The following CCDC149 variants were observed in gnomAD, a reference collection of about 807,000 sequenced individuals.
CCDC149 encodes the protein coiled-coil domain containing 149, also known as coiled-coil domain-containing protein 149.
In CCDC149, 45 loss-of-function variants were observed where a neutral mutation model predicts 59.9. That is an observed-to-expected ratio of 0.75 (90% confidence interval 0.59 to 0.96). The LOEUF is 0.96. Ranked by LOEUF, CCDC149 falls within the 40% of genes least tolerant of loss-of-function variation. The pLI is 0.00. For missense variants in CCDC149, 584 were observed against 664.7 expected, an observed-to-expected ratio of 0.88 and a Z score of 1.33; for synonymous variants, 245 against 260.6, an observed-to-expected ratio of 0.94 and a Z score of 0.58.
chr4:24,967,058 C>T (rs887436554), intron 1 of CCDC149, among the ~76,000 whole-genome samples: 22 of 152,318 alleles, frequency 1.4e-4, no homozygotes, highest in Admixed American at 1.4e-3. Context: ...TGTATCTCAG[C>T]ACCCTGACAT....
intron 1 of CCDC149, among the ~76,000 whole-genome samples, chr4:24,918,794 G>A (rs1722205163): frequency 6.6e-6 from 1 of 152,194 alleles, no homozygotes; most frequent in African/African-American, 2.4e-5. Flanking sequence ...CACAGCCATG[G>A]TGTGTCAGTG....
chr4:24,829,828 G>A (rs16876184), intron 9 of CCDC149: 14,163 of 152,284 alleles, frequency 0.093, 765 homozygotes, highest in African/African-American at 0.15. Flanking sequence ...GTGACCTCCC[G>A]GAATACATTT....
intron 1 of CCDC149, among the ~76,000 whole-genome samples, chr4:24,947,585 G>A (rs1390051165): frequency 6.6e-6 from 1 of 152,166 alleles, no homozygotes; most frequent in East Asian, 1.9e-4. Context: ...GGACTCCCAT[G>A]AAGTCCTCCC....
chr4:24,963,751 G>T (rs757555278), intron 1 of CCDC149, among the ~76,000 whole-genome samples: 8 of 152,260 alleles, frequency 5.3e-5, no homozygotes, highest in Non-Finnish European at 1.0e-4. Context: ...TGAATGAGAT[G>T]TTGGAGTTAT....
rs573987162 is a variant in CCDC149 at position 24,888,491 on chromosome 4, C to T, written c.64-11794G>A. The stretch of plus-strand genomic sequence containing the variant: ...TCATTTTTATTGCTTAAAAGGACCA[C>T]TTCCCTGCCATCACAGGGGTATACA... On this transcript the variant is annotated intron_variant, in intron 1 of 12. Transcript: ENST00000635206. Among the ~76,000 whole-genome samples the T allele has an allele frequency of 3.9e-5, 6 of 152,324 alleles. No individual in the cohort carries two copies. In the South Asian group the frequency reaches 8.3e-4, roughly 21 times the overall value.
chr4:24,901,165 A>T (rs541438259), intron 1 of CCDC149, among the ~76,000 whole-genome samples: 2 of 152,330 alleles, frequency 1.3e-5, no homozygotes, highest in East Asian at 3.9e-4. Context: ...AAGAGAGTGG[A>T]CCAGAAGAGG....
chr4:24,946,481 T>C (rs1723112797), intron 1 of CCDC149, among the ~76,000 whole-genome samples: 2 of 152,244 alleles, frequency 1.3e-5, no homozygotes, highest in African/African-American at 2.4e-5. Context: ...AATTAAAATA[T>C]CTTGGTTTTT....
intron 1 of CCDC149, among the ~76,000 whole-genome samples, chr4:24,888,915 C>CT (rs111370422): frequency 3.7e-4 from 55 of 147,442 alleles, no homozygotes; most frequent in Middle Eastern, 3.5e-3. Flanking sequence ...TCTAAGATGA[C>CT]TTTTTTTTTT....
At chr4:24,966,928 G>A (rs1344944228) in intron 1 of CCDC149, among the ~76,000 whole-genome samples, 1 of 152,180 alleles carries the variant, frequency 6.6e-6, no homozygotes, top group Non-Finnish European at 1.5e-5. Flanking sequence ...ATGTGCGGTG[G>A]GTGCTGATGC....
At chr4:24,878,974 T>C (rs1008817682) in intron 1 of CCDC149, among the ~76,000 whole-genome samples, 4 of 152,230 alleles carry the variant, frequency 2.6e-5, no homozygotes, top group African/African-American at 7.2e-5. Context: ...GGGTCTGAGA[T>C]ACCTGGTAGA....
intron 11 of CCDC149, among the ~76,000 whole-genome samples, chr4:24,820,838 G>A (rs1715344892): frequency 6.6e-6 from 1 of 152,120 alleles, no homozygotes; most frequent in Non-Finnish European, 1.5e-5. Context: ...AGAACAAACA[G>A]GGCCACAGCA....
At chr4:24,883,662 T>C (rs10517056) in intron 1 of CCDC149, among the ~76,000 whole-genome samples, 42,814 of 152,092 alleles carry the variant, frequency 0.28, 6,227 homozygotes, top group Admixed American at 0.35. Flanking sequence ...TTGAGGTTAT[T>C]GTGAGCCTGA....
chr4:24,919,284 G>T (rs1722217200), intron 1 of CCDC149, among the ~76,000 whole-genome samples: 1 of 152,164 alleles, frequency 6.6e-6, no homozygotes, highest in African/African-American at 2.4e-5. Context: ...TGTCCTCAAG[G>T]CTTTTGGAGT....
chr4:24,940,134 G>T (rs530267558), intron 1 of CCDC149, among the ~76,000 whole-genome samples: 1 of 152,316 alleles, frequency 6.6e-6, no homozygotes, highest in South Asian at 2.1e-4. Context: ...AATGTTAAGG[G>T]CAGCCAGAAA....
At chr4:24,915,112 T>G (rs1722088264), upstream of CCDC149, among the ~76,000 whole-genome samples, 1 of 152,252 alleles carries the variant, frequency 6.6e-6, no homozygotes, top group East Asian at 1.9e-4. Context: ...ACTCATTATC[T>G]TTTTAATCTA....
intron 1 of CCDC149, among the ~76,000 whole-genome samples, chr4:24,948,556 G>A (rs927558597): frequency 2.6e-5 from 4 of 152,170 alleles, no homozygotes; most frequent in Admixed American, 2.6e-4. Context: ...AGCAGGAGGT[G>A]CCCATAGAAG....
intron 4 of CCDC149, among the ~76,000 whole-genome samples, chr4:24,848,477 G>A (rs538701979): frequency 6.6e-6 from 1 of 152,126 alleles, no homozygotes; most frequent in Admixed American, 6.5e-5. Flanking sequence ...GCTGAGGCAG[G>A]AGAATCGCTT....
At chr4:24,905,484 G>A (rs1248172534) in intron 1 of CCDC149, among the ~76,000 whole-genome samples, 2 of 150,706 alleles carry the variant, frequency 1.3e-5, no homozygotes, top group Non-Finnish European at 3.0e-5. Flanking sequence ...TGCCCAGGCT[G>A]GAGTTCAGTG....
chr4:24,953,283 A>G (rs1469981068), intron 1 of CCDC149, among the ~76,000 whole-genome samples: 1 of 152,180 alleles, frequency 6.6e-6, no homozygotes, highest in African/African-American at 2.4e-5. Context: ...TGGCTCTTGC[A>G]AGCTGTGTGC....
Sources: allele counts gnomAD v4.1 joint callset (sites outside exome capture counted in the v4.1 genomes callset), GRCh38; gene constraint gnomAD v4.1.1; transcripts MANE v1.5; gene names NCBI Gene and HGNC (gene_info 2026-07-23, HGNC 2026-07-21).